The following SPRED1 variants were observed in gnomAD, a reference collection of about 807,000 sequenced individuals.
SPRED1 encodes the protein sprouty related EVH1 domain containing 1.
SPRED1 carries 18 observed loss-of-function variants against 52.3 expected under a neutral mutation model. The ratio of observed to expected loss-of-function variants is 0.34; its 90% CI spans 0.24 to 0.51. SPRED1 has a LOEUF of 0.51. Among genes scored for constraint, SPRED1 ranks in the 20% least tolerant of loss-of-function variants. SPRED1 has a pLI of 0.97. For synonymous variants in SPRED1, 155 were observed against 179.7 expected (o/e 0.86, Z 1.10); for missense variants, 485 against 551.0 (o/e 0.88, Z 1.20).
chr15:38,311,462 C>T (rs1383296217), intron 2 of SPRED1, among the ~76,000 whole-genome samples: 1 of 151,992 alleles, frequency 6.6e-6, no homozygotes, highest in East Asian at 1.9e-4. Context: ...GGGAAGTACT[C>T]CCTCATATTC....
intron 2 of SPRED1, among the ~76,000 whole-genome samples, chr15:38,302,676 G>A (rs905412980): frequency 1.3e-5 from 2 of 152,140 alleles, no homozygotes; most frequent in African/African-American, 4.8e-5. Flanking sequence ...TTATGTTACT[G>A]TTCTATATGT....
At chr15:38,301,403 T>A (rs1470112351) in intron 2 of SPRED1, among the ~76,000 whole-genome samples, 1 of 152,180 alleles carries the variant, frequency 6.6e-6, no homozygotes, top group Non-Finnish European at 1.5e-5. Flanking sequence ...TCAGAACACC[T>A]GATGTTTCAC....
chr15:38,309,041 A>G (rs1020062390), intron 2 of SPRED1, among the ~76,000 whole-genome samples: 1 of 152,088 alleles, frequency 6.6e-6, no homozygotes. Context: ...AGTGATAATA[A>G]CTTATTGTGG....
intron 2 of SPRED1, among the ~76,000 whole-genome samples, chr15:38,303,122 G>A (rs1405679423): frequency 6.6e-6 from 1 of 151,916 alleles, no homozygotes; most frequent in African/African-American, 2.4e-5. Context: ...AGGCGTAGGT[G>A]GCAGTGAGCT....
chr15:38,339,832 A>G lies in SPRED1; in HGVS notation c.519A>G (p.Ile173Met), dbSNP rs532147114. 17 of 1,613,968 alleles carry G rather than the reference A, an allele frequency of 1.1e-5. No homozygotes were observed. Among genetic ancestry groups the G allele is most frequent in the South Asian group, 4.4e-5 (4 of 91,084 alleles). ...VTSEPYRSSN[I>M]RPSPFEDLNA... Reference sequence around the variant, plus strand: ...GTGAGCCTTATAGAAGCTCAAATATAAGACCTTCTCCCTTTGAAGATCTGA... The same window carrying G: ...GTGAGCCTTATAGAAGCTCAAATATGAGACCTTCTCCCTTTGAAGATCTGA... Residue 173 changes from isoleucine to methionine, a missense_variant, in exon 5 of 7, where the codon ATA becomes ATG. Coordinates refer to ENST00000299084, the MANE Select transcript of SPRED1 (RefSeq NM_152594.3).
At chr15:38,256,669 T>A (rs1417574530) in intron 1 of SPRED1, among the ~76,000 whole-genome samples, 1 of 152,200 alleles carries the variant, frequency 6.6e-6, no homozygotes, top group East Asian at 1.9e-4. Context: ...GAGTTTGAAC[T>A]GTTTTTCCGT....
chr15:38,336,946 T>C (rs1441033866), intron 4 of SPRED1, among the ~76,000 whole-genome samples: 1 of 152,156 alleles, frequency 6.6e-6, no homozygotes, highest in Non-Finnish European at 1.5e-5. Flanking sequence ...TAAAAAACTT[T>C]AAAACAACAA....
chr15:38,351,331 CT>C lies in SPRED1; in HGVS notation c.1003del (p.Cys335AlafsTer71). 6.2e-7 allele frequency: 1 copy of C among 1,614,098 alleles called. No homozygotes were observed. Among genetic ancestry groups the C allele is most frequent in the Middle Eastern group, 1.6e-4 (1 of 6,062 alleles). On this transcript the variant is annotated frameshift_variant, in exon 7 of 7. Transcript: ENST00000299084. LOFTEE classifies it high-confidence loss of function. ...GAAAAGAGGATGGTGAACGTTCTCG[CT>C]GCGTATACTGCCAGGAAAGGTTTAA... ...RRKEDGERSR[C>X]VYCQERFNHE...
intron 2 of SPRED1, among the ~76,000 whole-genome samples, chr15:38,303,639 A>C (rs1293452776): frequency 1.3e-5 from 2 of 152,096 alleles, no homozygotes; most frequent in Non-Finnish European, 2.9e-5. Flanking sequence ...TATCATGGGG[A>C]TCTAAAGTAG....
intron 1 of SPRED1, among the ~76,000 whole-genome samples, chr15:38,269,026 G>A (rs552186510): frequency 2.1e-5 from 3 of 146,108 alleles, no homozygotes; most frequent in East Asian, 2.1e-4. Context: ...TGCAAGCCCC[G>A]CTTCCCGGGT....
intron 1 of SPRED1, among the ~76,000 whole-genome samples, chr15:38,282,566 T>C (rs1310052213): frequency 6.6e-6 from 1 of 152,080 alleles, no homozygotes; most frequent in Non-Finnish European, 1.5e-5. Context: ...ATGGGTGGTA[T>C]GTTTGATTTA....
chr15:38,272,656 T>C (rs1334027386), intron 1 of SPRED1, among the ~76,000 whole-genome samples: 2 of 152,212 alleles, frequency 1.3e-5, no homozygotes, highest in Non-Finnish European at 1.5e-5. Context: ...CCCAGCATTG[T>C]GTAAGTGTTC....
intron 2 of SPRED1, among the ~76,000 whole-genome samples, chr15:38,310,219 C>T (rs906595837): frequency 1.3e-5 from 2 of 151,598 alleles, no homozygotes; most frequent in African/African-American, 4.8e-5. Context: ...CGGCTCATTG[C>T]AACCTCTGCC....
chr15:38,321,120 G>A (rs1466766597), intron 2 of SPRED1, among the ~76,000 whole-genome samples: 1 of 152,150 alleles, frequency 6.6e-6, no homozygotes, highest in Non-Finnish European at 1.5e-5. Context: ...ATATACTCAA[G>A]TGTGTATTAA....
At chr15:38,299,317 C>T (rs1446239948) in intron 1 of SPRED1, 56 bp from the exon 2 acceptor site, 9 of 1,584,118 alleles carry the variant, frequency 5.7e-6, no homozygotes, top group East Asian at 2.2e-5. Context: ...AGACTGATGG[C>T]TTGGCTGTTT....
intron 2 of SPRED1, among the ~76,000 whole-genome samples, chr15:38,320,830 TTTTA>T (rs1245372160): frequency 1.3e-5 from 2 of 152,206 alleles, no homozygotes; most frequent in Non-Finnish European, 2.9e-5. Flanking sequence ...TCCACTTTTG[TTTTA>T]TTTGACAACT....
chr15:38,351,204 A>G lies in SPRED1; in HGVS notation c.875A>G (p.Tyr292Cys), dbSNP rs201933663. The G allele has an allele frequency of 9.7e-5, 157 of 1,614,122 alleles. No homozygotes were observed. The highest frequency in any genetic ancestry group is 1.3e-4 in the Non-Finnish European group (154 of 1,180,010). ...FSKPDSKKSD[Y>C]LYSCGDETKL... The stretch of plus-strand genomic sequence containing the variant: ...AAACCAGACAGTAAAAAATCAGACT[A>G]TCTGTACTCTTGTGGGGATGAGACT... The change falls in exon 7 of 7, where the codon TAT (tyrosine) becomes TGT (cysteine). Residue 292 changes from tyrosine (Y) to cysteine (C), a missense_variant. Coordinates refer to ENST00000299084, the MANE Select transcript of SPRED1 (RefSeq NM_152594.3).
chr15:38,253,033 C>G lies in SPRED1; in HGVS notation c.-153C>G, dbSNP rs1894012125. 1.4e-6 allele frequency: 1 copy of G among 705,514 alleles called. No homozygotes were observed. Among genetic ancestry groups the G allele is most frequent in the Admixed American group, 2.1e-5 (1 of 48,082 alleles). 43.7% of individuals were successfully genotyped at this position (705,514 alleles called of 1,614,324 possible). A position where few individuals can be genotyped will look rare whatever the true frequency, so the allele number is the denominator to read the frequency against. The stretch of plus-strand genomic sequence containing the variant: ...GCCGGGGTTCCCGGCTGGGGGGGTA[C>G]CGTTCTGGGTGAGGCATCCACCATG... On this transcript the variant is annotated 5_prime_UTR_variant, in exon 1 of 7. Transcript: ENST00000299084.
chr15:38,265,770 A>G (rs1894296068), intron 1 of SPRED1, among the ~76,000 whole-genome samples: 2 of 152,154 alleles, frequency 1.3e-5, no homozygotes, highest in African/African-American at 2.4e-5. Flanking sequence ...AAAACATCTT[A>G]CAGTTCAATC....
Sources: allele counts gnomAD v4.1 joint callset (sites outside exome capture counted in the v4.1 genomes callset), GRCh38; gene constraint gnomAD v4.1.1; transcripts MANE v1.5; gene names NCBI Gene and HGNC (gene_info 2026-07-23, HGNC 2026-07-21).